The following SFXN5 variants were observed in gnomAD, a reference collection of about 807,000 sequenced individuals.
SFXN5 encodes sideroflexin 5.
In SFXN5, 43 loss-of-function variants were observed where a neutral mutation model predicts 50.2. The ratio of observed to expected loss-of-function variants is 0.86; its 90% CI spans 0.67 to 1.11. The LOEUF (loss-of-function observed/expected upper bound fraction) is 1.11. Among genes scored for constraint, SFXN5 ranks in the 50% least tolerant of loss-of-function variants. SFXN5 has a pLI of 0.00. For synonymous variants in SFXN5, 203 were observed against 185.8 expected (o/e 1.09, Z -0.75); for missense variants, 463 against 454.1 (o/e 1.02, Z -0.18).
intron 13 of SFXN5, among the ~76,000 whole-genome samples, chr2:72,952,623 C>T (rs977066778): frequency 1.3e-5 from 2 of 152,208 alleles, no homozygotes; most frequent in African/African-American, 2.4e-5. Flanking sequence ...TGGAGCTTTG[C>T]ACCATTCCTG....
At position 72,968,538 on chromosome 2, in the gene SFXN5, G is replaced by A; in HGVS notation, c.742-5C>T. The A allele has an allele frequency of 1.2e-6, 2 of 1,613,028 alleles. No homozygotes were observed. Among genetic ancestry groups the A allele is most frequent in the Non-Finnish European group, 1.7e-6 (2 of 1,179,860 alleles). On this transcript the variant is annotated splice_polypyrimidine_tract_variant and splice_region_variant and intron_variant, in intron 11 of 13. Coordinates refer to ENST00000272433, the MANE Select transcript of SFXN5 (RefSeq NM_144579.3). Reference sequence around the variant, plus strand: ...CAGCGCCGTCTCCAGCAGGGCCTGAGGGGCAGGCAGAAGCTGTGTGAGAGG... The same window carrying A: ...CAGCGCCGTCTCCAGCAGGGCCTGAAGGGCAGGCAGAAGCTGTGTGAGAGG...
intron 12 of SFXN5, among the ~76,000 whole-genome samples, chr2:72,966,516 G>T (rs56016348): frequency 2.0e-5 from 3 of 151,958 alleles, no homozygotes; most frequent in African/African-American, 4.8e-5. Context: ...CATACCATAC[G>T]CATTTTCTTA....
In SFXN5 at chr2:73,041,420, G is replaced by A. The variant is rs535083298; in HGVS notation, c.172-489C>T. ...TGTTGAAAGCTTTTAGGCCAGGCGC[G>A]GTGGCTCACACCTGTAATCCCAGCA... On this transcript the variant is annotated intron_variant, in intron 2 of 13. Coordinates refer to ENST00000272433, the MANE Select transcript of SFXN5 (RefSeq NM_144579.3). Among the ~76,000 whole-genome samples, 29 of 152,264 alleles carry A rather than the reference G, an allele frequency of 1.9e-4. No individual in the cohort carries two copies. In the South Asian group the frequency reaches 5.0e-3, roughly 26 times the overall value.
At chr2:73,019,091 T>C (rs1676511541) in intron 6 of SFXN5, among the ~76,000 whole-genome samples, 1 of 152,184 alleles carries the variant, frequency 6.6e-6, no homozygotes, top group Non-Finnish European at 1.5e-5. Flanking sequence ...CAATGGAATA[T>C]TATACAGCAA....
Position 72,961,055 on chromosome 2 carries a change from C to G in SFXN5, c.945+76G>C. The stretch of plus-strand genomic sequence containing the variant: ...CTAGCATGGCGCTAAGGAGTCGGCA[C>G]GGTATGAGTATTTGTTCAGAAATCA... On this transcript the variant is annotated intron_variant, in intron 13 of 13. Transcript: ENST00000272433. This position sits in a 1 kb window ranked among gnomAD's most constrained non-coding sequence, Gnocchi z 4.4. 1.9e-6 allele frequency: 2 copies of G among 1,077,618 alleles called. No homozygotes were observed. The highest frequency in any genetic ancestry group is 2.6e-6 in the Non-Finnish European group (2 of 774,482). 66.8% of individuals were successfully genotyped at this position (1,077,618 alleles called of 1,614,324 possible).
intron 3 of SFXN5, among the ~76,000 whole-genome samples, chr2:73,029,077 T>C (rs1269165516): frequency 6.6e-6 from 1 of 152,138 alleles, no homozygotes; most frequent in African/African-American, 2.4e-5. Flanking sequence ...GACCGGGTGC[T>C]GGCTAATGGA....
intron 9 of SFXN5, among the ~76,000 whole-genome samples, chr2:72,995,538 G>A (rs1673120324): frequency 1.3e-5 from 2 of 152,068 alleles, no homozygotes; most frequent in Admixed American, 1.3e-4. Context: ...CCCAGAGGAG[G>A]CTGGCCTCCA....
chr2:73,044,961 G>A (rs148780615), intron 2 of SFXN5, among the ~76,000 whole-genome samples: 3 of 152,320 alleles, frequency 2.0e-5, no homozygotes, highest in Non-Finnish European at 2.9e-5. Context: ...AGGATACCCC[G>A]ATGGAGGGGA....
intron 12 of SFXN5, among the ~76,000 whole-genome samples, chr2:72,965,532 GTAACATACACCCACTGGGGCATCAGCTA>G (rs1399869656): frequency 6.6e-6 from 1 of 152,136 alleles, no homozygotes; most frequent in Non-Finnish European, 1.5e-5. Context: ...AAAGTACCCT[GTAACATACACCCACTGGGGCATCAGCTA>G]TAAACATTCA....
intron 2 of SFXN5, chr2:73,041,744 C>A: frequency 3.3e-6 from 1 of 300,942 alleles, no homozygotes; most frequent in Non-Finnish European, 7.0e-6. Context: ...ATTTTGTCAC[C>A]CAGGCTGGAG....
At chr2:73,067,288 T>C (rs1435301977) in intron 1 of SFXN5, among the ~76,000 whole-genome samples, 1 of 152,144 alleles carries the variant, frequency 6.6e-6, no homozygotes, top group African/African-American at 2.4e-5. Flanking sequence ...CTATCCCAGG[T>C]ACTATGACTG....
intron 2 of SFXN5, among the ~76,000 whole-genome samples, chr2:73,046,357 C>T (rs1418663334): frequency 6.7e-6 from 1 of 149,012 alleles, no homozygotes; most frequent in East Asian, 2.0e-4. Flanking sequence ...CACAGTGAAC[C>T]GAGATCACGC....
In SFXN5 at chr2:72,991,608, C is replaced by T. The variant is rs143518851; in HGVS notation, c.535-3260G>A. ...ACCGCCCCAGCACCTAGGACAGCCA[C>T]GGCCTGAGAAGGAACCCAAGATGGC... is the stretch of plus-strand genomic sequence containing the variant. On this transcript the variant is annotated intron_variant, in intron 9 of 13. Coordinates refer to ENST00000272433, the MANE Select transcript of SFXN5 (RefSeq NM_144579.3). 1.3e-3 allele frequency among the ~76,000 whole-genome samples: 201 copies of T among 152,362 alleles called. 2 individuals are homozygous for T. Among genetic ancestry groups the T allele is most frequent in the Middle Eastern group, 6.8e-3 (2 of 294 alleles).
intron 6 of SFXN5, among the ~76,000 whole-genome samples, chr2:73,005,137 G>A (rs542560384): frequency 8.5e-4 from 129 of 152,344 alleles, no homozygotes; most frequent in African/African-American, 3.0e-3. Flanking sequence ...CAAGGAAAGT[G>A]GAAGGAGAGG....
At chr2:73,041,395 T>C (rs1679604899) in intron 2 of SFXN5, among the ~76,000 whole-genome samples, 1 of 152,128 alleles carries the variant, frequency 6.6e-6, no homozygotes, top group African/African-American at 2.4e-5. Context: ...CTTAATGTAA[T>C]GTTGAAAGCT....
At chr2:73,047,327 ATGTG>A (rs1474197043) in intron 2 of SFXN5, among the ~76,000 whole-genome samples, 1 of 130,234 alleles carries the variant, frequency 7.7e-6, no homozygotes, top group South Asian at 2.4e-4. Flanking sequence ...ATGTATATAT[ATGTG>A]TATATATATG....
intron 6 of SFXN5, among the ~76,000 whole-genome samples, chr2:73,010,983 CAAAG>C (rs1038820193): frequency 3.3e-5 from 5 of 151,852 alleles, no homozygotes; most frequent in African/African-American, 9.7e-5. Flanking sequence ...CAACCACAAA[CAAAG>C]AAAGGAGGGA....
chr2:72,964,947 G>A (rs561426811), intron 12 of SFXN5, among the ~76,000 whole-genome samples: 1 of 152,218 alleles, frequency 6.6e-6, no homozygotes, highest in African/African-American at 2.4e-5. Flanking sequence ...GGAAGGGCAC[G>A]GTCTCTGGCT....
chr2:72,955,433 G>A (rs1361402176), intron 13 of SFXN5, among the ~76,000 whole-genome samples: 6 of 152,184 alleles, frequency 3.9e-5, no homozygotes, highest in Admixed American at 1.3e-4. Context: ...CCCAGCCCCC[G>A]AGCTCCCAGG....
Sources: gnomAD v4.1 joint callset for allele counts (sites outside exome capture counted in the v4.1 genomes callset) on GRCh38, gnomAD v4.1.1 for gene constraint, Gnocchi (gnomAD v3.1) non-coding constraint, MANE v1.5 for transcripts, NCBI Gene and HGNC (gene_info 2026-07-23, HGNC 2026-07-21) for gene names.